Variants in MYH10 observed in about 807,000 individuals in gnomAD.
MYH10 encodes the protein myosin heavy chain 10.
MYH10 carries 55 observed loss-of-function variants against 257.8 expected under a neutral mutation model. The observed-to-expected ratio is 0.21, with a 90% CI of 0.17 to 0.27. MYH10 has a LOEUF of 0.27. Among genes scored for constraint, MYH10 ranks in the 10% least tolerant of loss-of-function variants. The pLI is 1.00. For synonymous variants in MYH10, 854 were observed against 921.7 expected (o/e 0.93, Z 1.33); for missense variants, 1,631 against 2,500.6 (o/e 0.65, Z 7.42).
chr17:8,546,081 C>T (rs374755524), intron 12 of MYH10, among the ~76,000 whole-genome samples: 3 of 149,984 alleles, frequency 2.0e-5, no homozygotes, highest in South Asian at 2.1e-4. Context: ...TTTTTTGATA[C>T]GGAGTCTCGT....
At chr17:8,511,567 A>G (rs2081298357) in intron 24 of MYH10, among the ~76,000 whole-genome samples, 2 of 152,172 alleles carry the variant, frequency 1.3e-5, no homozygotes, top group African/African-American at 4.8e-5. Context: ...CAAAAAACCA[A>G]AACTAGGGTT....
intron 3 of MYH10, among the ~76,000 whole-genome samples, chr17:8,596,481 A>C (rs2084376079): frequency 6.6e-6 from 1 of 152,040 alleles, no homozygotes; most frequent in South Asian, 2.1e-4. Flanking sequence ...GCCTTCCTTG[A>C]TGTTTCTTTT....
At chr17:8,519,266 C>T (rs1383426540) in intron 19 of MYH10, among the ~76,000 whole-genome samples, 1 of 152,130 alleles carries the variant, frequency 6.6e-6, no homozygotes, top group Non-Finnish European at 1.5e-5. Flanking sequence ...TGTTCATATC[C>T]TTAAGACGCA....
intron 35 of MYH10, among the ~76,000 whole-genome samples, chr17:8,487,900 A>C (rs139906979): frequency 9.2e-5 from 14 of 152,288 alleles, no homozygotes; most frequent in African/African-American, 3.4e-4. Context: ...AACCCAAGAC[A>C]ATACGGTAAC....
intron 17 of MYH10, among the ~76,000 whole-genome samples, chr17:8,523,223 G>A (rs1050205259): frequency 6.6e-6 from 1 of 152,026 alleles, no homozygotes; most frequent in African/African-American, 2.4e-5. Flanking sequence ...ATGTCACAAA[G>A]GTGCCTCTGC....
chr17:8,497,980 C>CTTTTTT lies in MYH10; in HGVS notation c.3951+1284_3951+1289dup, dbSNP rs71159593. On this transcript the variant is annotated intron_variant, in intron 30 of 42. Transcript: ENST00000360416. Reference sequence around the variant, plus strand: ...ATGTGCATATATGCAAATACTATGCCTTTTTTTTTTTTTTTTTTTGAGACA... The same window carrying CTTTTTT: ...ATGTGCATATATGCAAATACTATGCCTTTTTTTTTTTTTTTTTTTTTTTTTGAGACA... Among the ~76,000 whole-genome samples the CTTTTTT allele has an allele frequency of 2.6e-4, 27 of 103,422 alleles. 1 individual carries two copies. The highest frequency in any genetic ancestry group is 7.0e-4 in the South Asian group (2 of 2,850). The allele number at this position is 103,422 out of a possible 152,430, so 67.8% of individuals were successfully genotyped here.
At chr17:8,594,880 G>A (rs2084302216) in intron 3 of MYH10, among the ~76,000 whole-genome samples, 1 of 152,176 alleles carries the variant, frequency 6.6e-6, no homozygotes, top group Non-Finnish European at 1.5e-5. Flanking sequence ...ACAAAAGTCT[G>A]TCTGTACATC....
Position 8,489,708 on chromosome 17 carries a change from A to AACACACACACACACACAC in MYH10, c.4884+614_4884+631dup, listed in dbSNP as rs59065540. 3.5e-3 allele frequency among the ~76,000 whole-genome samples: 327 copies of AACACACACACACACACAC among 93,102 alleles called. 5 individuals are homozygous for AACACACACACACACACAC. Among genetic ancestry groups the AACACACACACACACACAC allele is most frequent in the African/African-American group, 0.011 (304 of 27,004 alleles). 61.1% of individuals were successfully genotyped at this position (93,102 alleles called of 152,430 possible). A position where few individuals can be genotyped will look rare whatever the true frequency, so the allele number is the denominator to read the frequency against. On this transcript the variant is annotated intron_variant, in intron 35 of 42. Transcript: ENST00000360416. ...GACAGAGCGAGACTCCGTCTGAAAA[A>AACACACACACACACACAC]ACACACACACACACACACACACACA... is the stretch of plus-strand genomic sequence containing the variant.
At chr17:8,625,252 A>G (rs909791922) in intron 1 of MYH10, among the ~76,000 whole-genome samples, 3 of 152,224 alleles carry the variant, frequency 2.0e-5, no homozygotes, top group Non-Finnish European at 4.4e-5. Context: ...CTCCGTCTCA[A>G]AAACAAACAA....
chr17:8,523,593 G>C (rs1174142151), intron 17 of MYH10, among the ~76,000 whole-genome samples: 1 of 152,152 alleles, frequency 6.6e-6, no homozygotes, highest in Non-Finnish European at 1.5e-5. Flanking sequence ...GCACCAGTGT[G>C]AGGAGGAGCT....
chr17:8,608,954 GC>G (rs1323607551), intron 2 of MYH10, among the ~76,000 whole-genome samples: 2 of 152,206 alleles, frequency 1.3e-5, no homozygotes, highest in East Asian at 3.9e-4. Flanking sequence ...GGGACTACAG[GC>G]GCCTGCCACC....
At chr17:8,630,231 G>T (rs1045380574) in intron 1 of MYH10, among the ~76,000 whole-genome samples, 2 of 151,270 alleles carry the variant, frequency 1.3e-5, no homozygotes, top group African/African-American at 4.9e-5. Context: ...CCTCCGCCGG[G>T]ACACTAGCCC....
At chr17:8,597,903 CCACT>C (rs981317013) in intron 3 of MYH10, among the ~76,000 whole-genome samples, 1 of 152,140 alleles carries the variant, frequency 6.6e-6, no homozygotes, top group African/African-American at 2.4e-5. Context: ...CAGGCGTGAC[CCACT>C]GTGTCCGGCC....
At chr17:8,481,196 G>GTACC (rs1380165919) in intron 38 of MYH10, 126 bp downstream of exon 38, 1 of 883,824 alleles carries the variant, frequency 1.1e-6, no homozygotes, top group Admixed American at 2.1e-5. Flanking sequence ...CATGGCTGAG[G>GTACC]CAGCCCAGGC....
In MYH10 at chr17:8,548,426, GAA is replaced by G. The variant is rs57472344; in HGVS notation, c.1064-20_1064-19del. Reference sequence around the variant, plus strand: ...AAGCATTGCTTCATATTGATAAAAAGAAAAAAAAAATTAATATTGCCTCAAAA... The same window carrying G: ...AAGCATTGCTTCATATTGATAAAAAGAAAAAAAATTAATATTGCCTCAAAA... On this transcript the variant is annotated intron_variant, in intron 10 of 42. Coordinates refer to ENST00000360416, the MANE Select transcript of MYH10 (RefSeq NM_001256012.3). 5.1e-5 allele frequency: 70 copies of G among 1,371,932 alleles called. No homozygotes were observed. The highest frequency in any genetic ancestry group is 1.9e-4 in the Middle Eastern group (1 of 5,274). The allele number at this position is 1,371,932 out of a possible 1,614,324, so 85.0% of individuals were successfully genotyped here. A position where few individuals can be genotyped will look rare whatever the true frequency, so the allele number is the denominator to read the frequency against.
intron 30 of MYH10, among the ~76,000 whole-genome samples, chr17:8,498,623 G>A (rs111981244): frequency 0.042 from 6,338 of 151,990 alleles, 186 homozygotes; most frequent in Non-Finnish European, 0.065. Context: ...TGAGGGGGGC[G>A]GATCACGAGG....
chr17:8,477,187 G>T lies in MYH10; in HGVS notation c.5707-139C>A. The T allele has an allele frequency of 1.1e-6, 1 of 918,870 alleles. No individual in the cohort carries two copies. 56.9% of individuals were successfully genotyped at this position (918,870 alleles called of 1,614,324 possible). Reference sequence around the variant, plus strand: ...TGTACACGGATGTACACGCGTGCCTGGGGGCTGGTCGGAGGCTCTGTAACC... The same window carrying T: ...TGTACACGGATGTACACGCGTGCCTTGGGGCTGGTCGGAGGCTCTGTAACC... On this transcript the variant is annotated intron_variant, in intron 41 of 42. Coordinates refer to ENST00000360416, the MANE Select transcript of MYH10 (RefSeq NM_001256012.3). The surrounding 1 kb of genome is among the most constrained non-coding windows in gnomAD (Gnocchi z 4.2).
chr17:8,551,813 A>T (rs1211114111), intron 9 of MYH10, among the ~76,000 whole-genome samples: 5 of 152,192 alleles, frequency 3.3e-5, no homozygotes, highest in Non-Finnish European at 5.9e-5. Context: ...AAAAAATTTT[A>T]AAAAAGAAAT....
At chr17:8,591,180 CTTCTT>C (rs1375881007) in intron 3 of MYH10, among the ~76,000 whole-genome samples, 1 of 152,074 alleles carries the variant, frequency 6.6e-6, no homozygotes, top group East Asian at 1.9e-4. Context: ...CCAATGTTGC[CTTCTT>C]TTAAGTGTAT....
Sources: gnomAD v4.1 joint callset for allele counts (sites outside exome capture counted in the v4.1 genomes callset) on GRCh38, gnomAD v4.1.1 for gene constraint, Gnocchi (gnomAD v3.1) non-coding constraint, MANE v1.5 for transcripts, NCBI Gene and HGNC (gene_info 2026-07-23, HGNC 2026-07-21) for gene names.